Variants in AP4E1 observed in about 807,000 individuals in gnomAD.
The protein encoded by AP4E1 is AP-4 complex subunit epsilon-1.
In AP4E1, 56 loss-of-function variants were observed where a neutral mutation model predicts 128.2. The observed-to-expected ratio is 0.44, with a 90% CI of 0.35 to 0.55. The LOEUF is 0.55. AP4E1 is among the 20% of genes least tolerant of loss of function. AP4E1 has a pLI of 0.00. For synonymous variants in AP4E1, 484 were observed against 473.1 expected (o/e 1.02, Z -0.30); for missense variants, 1,324 against 1,307.7 (o/e 1.01, Z -0.19).
At chr15:50,931,211 TG>T (rs2063831601) in intron 7 of AP4E1, among the ~76,000 whole-genome samples, 1 of 152,320 alleles carries the variant, frequency 6.6e-6, no homozygotes, top group South Asian at 2.1e-4. Context: ...CCATCTCCTC[TG>T]TGATGCTTTC....
At chr15:50,945,322 A>G in intron 10 of AP4E1, 1 of 780,780 alleles carries the variant, frequency 1.3e-6, no homozygotes, top group South Asian at 1.3e-5. Context: ...TGACAGGAAT[A>G]TAGTACTGTA....
At chr15:50,940,440 C>G (rs974251557) in intron 8 of AP4E1, among the ~76,000 whole-genome samples, 1 of 151,932 alleles carries the variant, frequency 6.6e-6, no homozygotes, top group African/African-American at 2.4e-5. Context: ...AATCGATAGG[C>G]AACATAGTGT....
At chr15:50,915,277 C>T in intron 2 of AP4E1, 171 bp from the exon 3 acceptor site, 1 of 655,614 alleles carries the variant, frequency 1.5e-6, no homozygotes, top group African/African-American at 1.8e-5. Flanking sequence ...TAAGTAAGAT[C>T]AGGAGCAATT....
At chr15:50,940,967 C>T (rs759359567) in intron 8 of AP4E1, among the ~76,000 whole-genome samples, 13 of 152,152 alleles carry the variant, frequency 8.5e-5, no homozygotes, top group East Asian at 1.9e-4. Context: ...AAACTACATA[C>T]GCAATTTTGG....
chr15:50,946,563 GA>G (rs141910204), intron 10 of AP4E1, among the ~76,000 whole-genome samples: 6,994 of 149,136 alleles, frequency 0.047, 526 homozygotes, highest in African/African-American at 0.16. Flanking sequence ...TTTCAGCGTT[GA>G]AAAAAAAAAT....
chr15:50,915,265 GGTAA>G (rs1242963356), intron 2 of AP4E1, among the ~76,000 whole-genome samples, 179 bp from the exon 3 acceptor site: 2 of 152,036 alleles, frequency 1.3e-5, no homozygotes, highest in Non-Finnish European at 2.9e-5. Context: ...TAATACTGTT[GGTAA>G]GTAAGATCAG....
rs566887272 is a variant in AP4E1, at chr15:50,954,620, A to G, written c.1549-3872A>G. On this transcript the variant is annotated intron_variant, in intron 13 of 20. Transcript: ENST00000261842. ...TTTCATTGTGATTAGAGAAAATACT[A>G]TGTATGATTTCAGTTCTTTCAAATT... Among the ~76,000 whole-genome samples the G allele has an allele frequency of 3.3e-5, 5 of 152,248 alleles. No individual in the cohort carries two copies. In the South Asian group the frequency reaches 1.0e-3, roughly 32 times the overall value.
At chr15:50,942,250 T>TA (rs1243362039) in intron 10 of AP4E1, among the ~76,000 whole-genome samples, 1 of 152,188 alleles carries the variant, frequency 6.6e-6, no homozygotes, top group Non-Finnish European at 1.5e-5. Context: ...GTAACTTTTC[T>TA]AAAAAGTACT....
chr15:50,975,973 AG>A, intron 15 of AP4E1, among the ~76,000 whole-genome samples: 1 of 151,198 alleles, frequency 6.6e-6, no homozygotes, highest in Non-Finnish European at 1.5e-5. Context: ...AGAGAGAGAG[AG>A]AGAGAGAAAG....
intron 15 of AP4E1, among the ~76,000 whole-genome samples, chr15:50,975,552 CTG>C (rs35644989): frequency 0.18 from 27,869 of 151,880 alleles, 2,572 homozygotes; most frequent in South Asian, 0.23. Flanking sequence ...GTTGAGAAGA[CTG>C]TCCTTTCTCT....
intron 10 of AP4E1, among the ~76,000 whole-genome samples, chr15:50,943,208 G>A (rs978265761): frequency 7.9e-5 from 12 of 152,078 alleles, no homozygotes; most frequent in African/African-American, 2.9e-4. Flanking sequence ...CTGCATCCAT[G>A]TTGCTGCAAA....
At chr15:50,982,009 C>G (rs146954539) in intron 15 of AP4E1, among the ~76,000 whole-genome samples, 2,179 of 135,522 alleles carry the variant, frequency 0.016, 69 homozygotes, top group African/African-American at 0.058. Context: ...CGCTTGAACA[C>G]GGGAGGCGGA....
chr15:50,972,443 C>G (rs2064493778), intron 15 of AP4E1, among the ~76,000 whole-genome samples: 1 of 152,104 alleles, frequency 6.6e-6, no homozygotes, highest in Non-Finnish European at 1.5e-5. Flanking sequence ...AACTCCTGAC[C>G]TCAGGTGATC....
intron 13 of AP4E1, among the ~76,000 whole-genome samples, chr15:50,955,814 C>T (rs752094300): frequency 1.3e-5 from 2 of 152,144 alleles, no homozygotes; most frequent in African/African-American, 4.8e-5. Flanking sequence ...CAGTTGCCAC[C>T]CTGCTGGGGA....
At chr15:50,946,779 A>G (rs2064067360) in intron 10 of AP4E1, among the ~76,000 whole-genome samples, 1 of 152,242 alleles carries the variant, frequency 6.6e-6, no homozygotes, top group South Asian at 2.1e-4. Flanking sequence ...ACCTTAATCT[A>G]GAGCTGTGGC....
upstream of AP4E1, among the ~76,000 whole-genome samples, chr15:50,907,776 T>A (rs1177834597): frequency 6.6e-6 from 1 of 152,206 alleles, no homozygotes; most frequent in East Asian, 1.9e-4. Flanking sequence ...TTGTTTTGAC[T>A]TTGTGAATTC....
chr15:50,965,149 T>A (rs1387988689), intron 14 of AP4E1, among the ~76,000 whole-genome samples: 1 of 152,050 alleles, frequency 6.6e-6, no homozygotes, highest in Non-Finnish European at 1.5e-5. Flanking sequence ...CAATGAAACC[T>A]ATTTTTTTTT....
intron 8 of AP4E1, among the ~76,000 whole-genome samples, chr15:50,937,709 AG>A (rs1273716731): frequency 6.6e-6 from 1 of 152,202 alleles, no homozygotes; most frequent in Non-Finnish European, 1.5e-5. Context: ...TTAGATAGGC[AG>A]AAGGGAGATT....
intron 15 of AP4E1, among the ~76,000 whole-genome samples, chr15:50,970,111 G>C (rs2414081): frequency 0.43 from 65,961 of 151,760 alleles, 14,527 homozygotes; most frequent in East Asian, 0.59. Context: ...CTTTCCTAGC[G>C]CCTAGTATCC....
Sources: allele counts gnomAD v4.1 joint callset (sites outside exome capture counted in the v4.1 genomes callset), GRCh38; gene constraint gnomAD v4.1.1; transcripts MANE v1.5; gene names NCBI Gene and HGNC (gene_info 2026-07-23, HGNC 2026-07-21).